NXPE2: variants seen among roughly 807,000 people sequenced by gnomAD.
NXPE2 encodes the protein NXPE family member 2.
A neutral mutation model predicts 34.4 loss-of-function variants in NXPE2; 34 were observed. The observed-to-expected ratio is 0.99, with a 90% confidence interval of 0.75 to 1.31. The LOEUF (loss-of-function observed/expected upper bound fraction) is 1.31, where lower values mean the gene tolerates loss of function less well. Among genes scored for constraint, NXPE2 ranks in the 40% most tolerant of loss-of-function variants. The probability of loss-of-function intolerance (pLI) is 0.00; values close to 1 mark genes in which losing one functional copy is unlikely to be tolerated. For missense variants in NXPE2, 649 were observed against 672.5 expected, an observed-to-expected ratio of 0.97 and a Z score of 0.39; for synonymous variants, 235 against 231.3, an observed-to-expected ratio of 1.02 and a Z score of -0.15.
the NXPE2 span, among the ~76,000 whole-genome samples, chr11:114,796,338 T>C: frequency 2.0e-5 from 3 of 152,200 alleles, no homozygotes; most frequent in Non-Finnish European, 2.9e-5. Context: ...TTTTTTATTT[T>C]CCAAAACCAA....
At chr11:114,704,180 C>G in intron 4 of NXPE2, 128 bp downstream of exon 4, 1 of 684,470 alleles carries the variant, frequency 1.5e-6, no homozygotes, top group Non-Finnish European at 2.5e-6. Context: ...ACATCAACCA[C>G]CTTGGGTTTT....
At chr11:114,544,302 A>C in the NXPE2 span, among the ~76,000 whole-genome samples, 1 of 152,226 alleles carries the variant, frequency 6.6e-6, no homozygotes, top group Admixed American at 6.5e-5. Flanking sequence ...CAAAATGGGA[A>C]AAATCTCATT....
the NXPE2 span, among the ~76,000 whole-genome samples, chr11:114,511,327 C>T: frequency 6.6e-6 from 1 of 152,134 alleles, no homozygotes; most frequent in Non-Finnish European, 1.5e-5. Flanking sequence ...CTTTGCCCTT[C>T]GTCTTCTTGC....
upstream of NXPE2, among the ~76,000 whole-genome samples, chr11:114,677,190 G>A (rs1233497189): frequency 6.6e-6 from 1 of 152,040 alleles, no homozygotes; most frequent in Admixed American, 6.6e-5. Context: ...ATAAGTTCTA[G>A]AGATTTATTG....
At chr11:114,606,005 C>T in the NXPE2 span, among the ~76,000 whole-genome samples, 1 of 151,592 alleles carries the variant, frequency 6.6e-6, no homozygotes, top group East Asian at 2.0e-4. Flanking sequence ...CTAAGTATTG[C>T]CTCATGGGTA....
the NXPE2 span, among the ~76,000 whole-genome samples, chr11:114,611,579 A>G: frequency 6.6e-6 from 1 of 151,764 alleles, no homozygotes; most frequent in African/African-American, 2.4e-5. Context: ...CTGCTGGATA[A>G]TAAGTGTTGT....
At chr11:114,504,853 C>T in the NXPE2 span, among the ~76,000 whole-genome samples, 4 of 152,144 alleles carry the variant, frequency 2.6e-5, no homozygotes, top group Non-Finnish European at 5.9e-5. Context: ...CATCATCTCT[C>T]TAGCAAGAGT....
At chr11:114,618,770 T>A in the NXPE2 span, among the ~76,000 whole-genome samples, 1 of 152,062 alleles carries the variant, frequency 6.6e-6, no homozygotes, top group Non-Finnish European at 1.5e-5. Flanking sequence ...TGTTATCTGG[T>A]GGATAAAAAG....
At chr11:114,510,599 G>A in the NXPE2 span, among the ~76,000 whole-genome samples, 12 of 152,288 alleles carry the variant, frequency 7.9e-5, no homozygotes, top group South Asian at 2.5e-3. Context: ...GTTTCCTAGG[G>A]TAGTGGTGAA....
chr11:114,813,615 T>C, the NXPE2 span, among the ~76,000 whole-genome samples: 2 of 152,236 alleles, frequency 1.3e-5, no homozygotes, highest in African/African-American at 4.8e-5. Flanking sequence ...GTCTCCGGCC[T>C]CCACTGATAA....
At chr11:114,694,666 T>C (rs1467517727) in intron 2 of NXPE2, among the ~76,000 whole-genome samples, 1 of 152,194 alleles carries the variant, frequency 6.6e-6, no homozygotes, top group African/African-American at 2.4e-5. Flanking sequence ...GGGAAGTTTC[T>C]GTTGACATAC....
chr11:114,625,641 T>C, the NXPE2 span, among the ~76,000 whole-genome samples: 1 of 152,016 alleles, frequency 6.6e-6, no homozygotes, highest in Non-Finnish European at 1.5e-5. Context: ...TGTTACCCGG[T>C]GGATAATAAG....
chr11:114,632,618 ATATT>A, the NXPE2 span, among the ~76,000 whole-genome samples: 1 of 101,726 alleles, frequency 9.8e-6, no homozygotes, highest in East Asian at 2.4e-4. Flanking sequence ...TATTTTATAT[ATATT>A]TATATATAAT....
the NXPE2 span, among the ~76,000 whole-genome samples, chr11:114,593,931 A>G: frequency 6.6e-6 from 1 of 152,190 alleles, no homozygotes. Context: ...ACAGAAGACA[A>G]ACTTTGCATG....
the NXPE2 span, among the ~76,000 whole-genome samples, chr11:114,669,382 A>G: frequency 1.3e-5 from 2 of 152,030 alleles, no homozygotes; most frequent in Admixed American, 1.3e-4. Flanking sequence ...GGCAGGTGCA[A>G]TCAAGAAGAC....
rs1329549219 is a variant in NXPE2, at chr11:114,706,947, T to C, written c.*17T>C. On this transcript the variant is annotated 3_prime_UTR_variant, in exon 6 of 6. Transcript: ENST00000389586. ...ATTTGTTAGAGGAAAAATACAAAAA[T>C]AGCACTAGCCACTTTCTATAGATGA... 1.1e-5 allele frequency: 17 copies of C among 1,522,772 alleles called. 1 individual carries two copies. Among genetic ancestry groups the C allele is most frequent in the South Asian group, 2.5e-5 (2 of 80,462 alleles). 94.3% of individuals were successfully genotyped at this position (1,522,772 alleles called of 1,614,324 possible). A position where few individuals can be genotyped will look rare whatever the true frequency, so the allele number is the denominator to read the frequency against.
At chr11:114,495,737 A>G in the NXPE2 span, among the ~76,000 whole-genome samples, 1 of 152,016 alleles carries the variant, frequency 6.6e-6, no homozygotes, top group Admixed American at 6.6e-5. Context: ...GATGAATTTC[A>G]CCAGGACTAG....
At chr11:114,720,030 C>T in the NXPE2 span, among the ~76,000 whole-genome samples, 1 of 152,220 alleles carries the variant, frequency 6.6e-6, no homozygotes, top group Non-Finnish European at 1.5e-5. Context: ...TGTCTCTGAC[C>T]TCTGCAATGA....
At chr11:114,701,483 C>A (rs1187820752) in intron 3 of NXPE2, among the ~76,000 whole-genome samples, 2 of 152,148 alleles carry the variant, frequency 1.3e-5, no homozygotes, top group African/African-American at 4.8e-5. Flanking sequence ...TGCTTTATTT[C>A]CAAATAGACA....
Sources: allele counts gnomAD v4.1 joint callset (sites outside exome capture counted in the v4.1 genomes callset), GRCh38; gene constraint gnomAD v4.1.1; transcripts MANE v1.5; gene names NCBI Gene and HGNC (gene_info 2026-07-23, HGNC 2026-07-21).